Variants in CBR4 observed in about 807,000 individuals in gnomAD.
CBR4 encodes carbonyl reductase 4.
CBR4 carries 22 observed loss-of-function variants against 21.0 expected under a neutral mutation model. The ratio of observed to expected loss-of-function variants is 1.05; its 90% CI spans 0.75 to 1.50. CBR4 has a LOEUF of 1.50. CBR4 is among the 40% of genes most tolerant of loss of function. The pLI, the probability that CBR4 is intolerant of heterozygous loss-of-function variation, is 0.00. For synonymous variants in CBR4, 100 were observed against 104.4 expected, an observed-to-expected ratio of 0.96 and a Z score of 0.26; for missense variants, 302 against 286.3, an observed-to-expected ratio of 1.05 and a Z score of -0.40.
At chr4:168,896,738 T>C in intron 2 of CBR4, 1 of 604,942 alleles carries the variant, frequency 1.7e-6, no homozygotes, top group Non-Finnish European at 2.9e-6. Context: ...TTTCATTTAA[T>C]ATCAGATACA....
At chr4:168,997,580 T>A (rs1361358488) in intron 4 of CBR4, among the ~76,000 whole-genome samples, 1 of 152,144 alleles carries the variant, frequency 6.6e-6, no homozygotes, top group Non-Finnish European at 1.5e-5. Context: ...GGCAACAGAA[T>A]GAAACCCCAT....
chr4:168,944,091 T>C (rs1301706756), intron 2 of CBR4, among the ~76,000 whole-genome samples: 2 of 152,144 alleles, frequency 1.3e-5, no homozygotes, highest in African/African-American at 2.4e-5. Flanking sequence ...TTTGAAAAAG[T>C]ATCTTAATTA....
Position 168,988,405 on chromosome 4 carries a change from A to C in CBR4, c.*1745T>G. On this transcript the variant is annotated 3_prime_UTR_variant, in exon 5 of 5. Coordinates refer to ENST00000306193, the MANE Select transcript of CBR4 (RefSeq NM_032783.5). ...CATACTGCTTTCTACCCAAATCACC[A>C]ATTGAATCAGCCTCGCTCATGATTT... 1.0e-6 allele frequency: 1 copy of C among 985,428 alleles called. No individual in the cohort carries two copies. Among genetic ancestry groups the C allele is most frequent in the South Asian group, 4.7e-5 (1 of 21,288 alleles). The allele number at this position is 985,428 out of a possible 1,614,324, so 61.0% of individuals were successfully genotyped here. A position where few individuals can be genotyped will look rare whatever the true frequency, so the allele number is the denominator to read the frequency against.
chr4:169,003,394 T>C (rs973882751), intron 3 of CBR4, among the ~76,000 whole-genome samples: 4 of 152,218 alleles, frequency 2.6e-5, no homozygotes, highest in African/African-American at 9.7e-5. Context: ...TGCAATCTTA[T>C]GATAAAACAA....
chr4:168,910,717 G>C (rs1758761438), intron 2 of CBR4, among the ~76,000 whole-genome samples: 1 of 152,154 alleles, frequency 6.6e-6, no homozygotes, highest in Non-Finnish European at 1.5e-5. Flanking sequence ...GAAAGATTAA[G>C]TTACCTGCCT....
chr4:168,928,916 G>A (rs1283433389), intron 2 of CBR4, among the ~76,000 whole-genome samples: 1 of 152,124 alleles, frequency 6.6e-6, no homozygotes, highest in Non-Finnish European at 1.5e-5. Context: ...CCTGACTTTG[G>A]GAACCTTAAT....
chr4:168,900,240 C>CT (rs1188749293), intron 2 of CBR4, among the ~76,000 whole-genome samples: 1 of 152,220 alleles, frequency 6.6e-6, no homozygotes, highest in African/African-American at 2.4e-5. Flanking sequence ...ACCTCCAACA[C>CT]TGGGAGTCCC....
At chr4:168,979,274 A>G (rs2126778497) in intron 2 of CBR4, among the ~76,000 whole-genome samples, 1 of 151,038 alleles carries the variant, frequency 6.6e-6, no homozygotes, top group African/African-American at 2.4e-5. Flanking sequence ...CAGGCCCGCC[A>G]TTTTTTGCCA....
intron 2 of CBR4, chr4:168,921,803 C>G: frequency 1.6e-6 from 2 of 1,263,252 alleles, no homozygotes; most frequent in African/African-American, 1.5e-5. Context: ...CAAATGTAAA[C>G]TAATTCTACA....
chr4:168,990,175 T>A lies in CBR4; in HGVS notation c.689A>T (p.Asp230Val), dbSNP rs1276422868. The change falls in exon 5 of 5, where the codon GAT (aspartate) becomes GTT (valine). Residue 230 changes from aspartate (D) to valine (V), a missense_variant. Transcript: ENST00000306193. ...TTACAAAATGAGTTGTAATCCCCCA[T>A]CCACTACCAGAACATGCCCTGTAAT... ...PYITGHVLVVDGGLQLIL is the reference protein window; with the variant it reads ...PYITGHVLVVVGGLQLIL 2 of 1,607,276 alleles carry A rather than the reference T, an allele frequency of 1.2e-6. No homozygotes were observed. Among genetic ancestry groups the A allele is most frequent in the African/African-American group, 1.3e-5 (1 of 74,554 alleles).
chr4:168,925,459 C>A (rs1407886744), intron 2 of CBR4: 2 of 628,678 alleles, frequency 3.2e-6, no homozygotes, highest in Non-Finnish European at 5.8e-6. Flanking sequence ...TTTAACATTT[C>A]TTCCTATATT....
At chr4:168,903,945 A>G in intron 2 of CBR4, 1 of 1,571,968 alleles carries the variant, frequency 6.4e-7, no homozygotes, top group Non-Finnish European at 8.8e-7. Flanking sequence ...TTCTGTGTCT[A>G]GTGCTTACAG....
intron 3 of CBR4, among the ~76,000 whole-genome samples, chr4:169,005,515 C>T (rs903634013): frequency 3.3e-5 from 5 of 152,090 alleles, no homozygotes; most frequent in Non-Finnish European, 5.9e-5. Flanking sequence ...ACTTTTAGCT[C>T]AATTCTAAAA....
chr4:168,966,628 C>G (rs1234145994), intron 2 of CBR4, among the ~76,000 whole-genome samples: 1 of 152,136 alleles, frequency 6.6e-6, no homozygotes, highest in African/African-American at 2.4e-5. Context: ...ATTCCTTCAA[C>G]CATTGTGGAA....
chr4:169,008,179 G>T (rs888762038), intron 1 of CBR4, among the ~76,000 whole-genome samples: 1 of 152,036 alleles, frequency 6.6e-6, no homozygotes, highest in African/African-American at 2.4e-5. Flanking sequence ...CCCTGAACGG[G>T]AACTCTTGGG....
chr4:168,902,439 G>A (rs1427849996), intron 2 of CBR4, among the ~76,000 whole-genome samples: 1 of 152,116 alleles, frequency 6.6e-6, no homozygotes, highest in Non-Finnish European at 1.5e-5. Flanking sequence ...TCATTATGAT[G>A]GGCCTATCTT....
At chr4:168,992,446 T>G (rs1055423768) in intron 4 of CBR4, among the ~76,000 whole-genome samples, 1 of 152,160 alleles carries the variant, frequency 6.6e-6, no homozygotes, top group African/African-American at 2.4e-5. Flanking sequence ...CTTCCCACTA[T>G]GAAATCTATG....
At chr4:168,946,960 AAC>A (rs1165075239) in intron 2 of CBR4, among the ~76,000 whole-genome samples, 1 of 152,208 alleles carries the variant, frequency 6.6e-6, no homozygotes, top group Non-Finnish European at 1.5e-5. Flanking sequence ...ATTACTTTAA[AAC>A]ACAGATACAG....
intron 2 of CBR4, among the ~76,000 whole-genome samples, chr4:168,948,020 C>T (rs1003331726): frequency 1.3e-5 from 2 of 152,126 alleles, no homozygotes; most frequent in African/African-American, 2.4e-5. Flanking sequence ...CCCTGATCAC[C>T]GCAGCCATGC....
Sources: gnomAD v4.1 joint callset for allele counts (sites outside exome capture counted in the v4.1 genomes callset) on GRCh38, gnomAD v4.1.1 for gene constraint, MANE v1.5 for transcripts, NCBI Gene and HGNC (gene_info 2026-07-23, HGNC 2026-07-21) for gene names.